Variants in ROR2 observed in about 807,000 individuals in gnomAD.
The protein encoded by ROR2 is ROR family WNT receptor 2, also known as tyrosine-protein kinase transmembrane receptor ROR2.
In ROR2, 33 loss-of-function variants were observed where a neutral mutation model predicts 74.9. The observed-to-expected ratio is 0.44, with a 90% CI of 0.33 to 0.59. ROR2 has a LOEUF of 0.59. Ranked by LOEUF, ROR2 falls within the 20% of genes least tolerant of loss-of-function variation. ROR2 has a pLI of 0.02. For missense variants in ROR2, 1,216 were observed against 1,313.8 expected (o/e 0.93, Z 1.15); for synonymous variants, 586 against 558.7 (o/e 1.05, Z -0.69).
At chr9:91,732,567 G>A (rs757035201) in intron 6 of ROR2, among the ~76,000 whole-genome samples, 8 of 152,114 alleles carry the variant, frequency 5.3e-5, no homozygotes, top group South Asian at 2.1e-4. Context: ...ATTGTTACAG[G>A]TTCTTCTCAG....
intron 2 of ROR2, among the ~76,000 whole-genome samples, chr9:91,762,449 G>GAA (rs1291985476): frequency 6.6e-6 from 1 of 151,936 alleles, no homozygotes; most frequent in Non-Finnish European, 1.5e-5. Flanking sequence ...TTGCCTAATT[G>GAA]TTTTTTCAAC....
intron 4 of ROR2, among the ~76,000 whole-genome samples, chr9:91,748,978 A>AC (rs1299327945): frequency 1.3e-5 from 2 of 152,238 alleles, no homozygotes; most frequent in Non-Finnish European, 2.9e-5. Flanking sequence ...GTGAGCCGAT[A>AC]CCGTGCCACT....
At chr9:91,878,570 C>G (rs892745568) in intron 1 of ROR2, among the ~76,000 whole-genome samples, 15 of 152,324 alleles carry the variant, frequency 9.8e-5, no homozygotes, top group East Asian at 3.9e-4. Flanking sequence ...GAAGCTCCCC[C>G]CTTGCACATC....
intron 1 of ROR2, among the ~76,000 whole-genome samples, chr9:91,907,132 T>C (rs1050712486): frequency 6.6e-6 from 1 of 152,134 alleles, no homozygotes; most frequent in African/African-American, 2.4e-5. Context: ...GCGTATGAAA[T>C]CCGTTAAAAT....
intron 6 of ROR2, among the ~76,000 whole-genome samples, chr9:91,732,108 G>T (rs1017989245): frequency 1.3e-5 from 2 of 152,110 alleles, no homozygotes; most frequent in African/African-American, 4.8e-5. Flanking sequence ...GCTGGTCCTG[G>T]TAAGGAGTCC....
At chr9:91,906,821 A>G (rs981429588) in intron 1 of ROR2, among the ~76,000 whole-genome samples, 1 of 152,234 alleles carries the variant, frequency 6.6e-6, no homozygotes, top group African/African-American at 2.4e-5. Flanking sequence ...TCCAAGGTCC[A>G]GGCTCCAGCT....
At chr9:91,753,053 A>G (rs1469966608) in intron 4 of ROR2, among the ~76,000 whole-genome samples, 2 of 152,256 alleles carry the variant, frequency 1.3e-5, no homozygotes, top group East Asian at 1.9e-4. Context: ...AGTCCTTGAT[A>G]AGAAAATTCA....
intron 1 of ROR2, among the ~76,000 whole-genome samples, chr9:91,856,607 T>G (rs1829296695): frequency 6.6e-6 from 1 of 152,176 alleles, no homozygotes; most frequent in Admixed American, 6.5e-5. Flanking sequence ...GACAGCCAAC[T>G]GCAAGCCAAG....
At chr9:91,896,962 G>A (rs55845314) in intron 1 of ROR2, among the ~76,000 whole-genome samples, 29,512 of 152,094 alleles carry the variant, frequency 0.19, 3,297 homozygotes, top group African/African-American at 0.3. Context: ...CTCTCTGCCC[G>A]GTAACACAGC....
At chr9:91,878,451 T>C (rs572070569) in intron 1 of ROR2, among the ~76,000 whole-genome samples, 1 of 152,210 alleles carries the variant, frequency 6.6e-6, no homozygotes, top group Non-Finnish European at 1.5e-5. Flanking sequence ...TGGTGTTTCA[T>C]GCAAACCCAC....
At chr9:91,802,356 G>A (rs112549878) in intron 1 of ROR2, among the ~76,000 whole-genome samples, 29 of 152,176 alleles carry the variant, frequency 1.9e-4, no homozygotes, top group African/African-American at 6.3e-4. Flanking sequence ...GATTACAGGC[G>A]TGAGCCACCG....
At chr9:91,944,312 G>C (rs1319694746) in intron 1 of ROR2, among the ~76,000 whole-genome samples, 1 of 152,140 alleles carries the variant, frequency 6.6e-6, no homozygotes, top group African/African-American at 2.4e-5. Context: ...CATATAGGTG[G>C]TCCATCGTCT....
chr9:91,922,743 G>A (rs554705678), intron 1 of ROR2, among the ~76,000 whole-genome samples: 100 of 152,166 alleles, frequency 6.6e-4, no homozygotes, highest in African/African-American at 2.3e-3. Context: ...AGGAGCCACC[G>A]CGCCCGACCA....
intron 1 of ROR2, among the ~76,000 whole-genome samples, chr9:91,809,433 A>G (rs117869062): frequency 0.015 from 2,227 of 152,304 alleles, 28 homozygotes; most frequent in Non-Finnish European, 0.026. Flanking sequence ...CTTCTTTGCA[A>G]ATGGCCACAT....
chr9:91,730,303 G>A (rs1837191622), intron 7 of ROR2, among the ~76,000 whole-genome samples: 1 of 152,154 alleles, frequency 6.6e-6, no homozygotes, highest in South Asian at 2.1e-4. Flanking sequence ...CCATACATGG[G>A]AAAAGGGCTG....
intron 2 of ROR2, among the ~76,000 whole-genome samples, chr9:91,773,433 C>G (rs1826307361): frequency 6.6e-6 from 1 of 152,156 alleles, no homozygotes; most frequent in African/African-American, 2.4e-5. Flanking sequence ...CCCTCAACAA[C>G]CGACAATCAA....
At chr9:91,787,479 T>C (rs1290334124) in intron 1 of ROR2, among the ~76,000 whole-genome samples, 1 of 152,164 alleles carries the variant, frequency 6.6e-6, no homozygotes, top group African/African-American at 2.4e-5. Context: ...CACTTCAGCC[T>C]GGGAGACGGA....
At chr9:91,935,004 T>C (rs1431340762) in intron 1 of ROR2, among the ~76,000 whole-genome samples, 3 of 152,152 alleles carry the variant, frequency 2.0e-5, no homozygotes, top group Non-Finnish European at 4.4e-5. Flanking sequence ...CTTACATAAT[T>C]ACGTTCTTGA....
chr9:91,939,484 A>G (rs1831791612), intron 1 of ROR2, among the ~76,000 whole-genome samples: 1 of 152,038 alleles, frequency 6.6e-6, no homozygotes, highest in Non-Finnish European at 1.5e-5. Context: ...GGCCTTTTGT[A>G]TTTGTTCTTC....
Sources: gnomAD v4.1 joint callset for allele counts (sites outside exome capture counted in the v4.1 genomes callset) on GRCh38, gnomAD v4.1.1 for gene constraint, MANE v1.5 for transcripts, NCBI Gene and HGNC (gene_info 2026-07-23, HGNC 2026-07-21) for gene names.